KDM3B: variants seen among roughly 807,000 people sequenced by gnomAD.
The protein encoded by KDM3B is lysine-specific demethylase 3B.
KDM3B carries 10 observed loss-of-function variants against 170.0 expected under a neutral mutation model. That is an observed-to-expected ratio of 0.06 (90% CI 0.04 to 0.10). The LOEUF (loss-of-function observed/expected upper bound fraction) is 0.10. KDM3B is among the 10% of genes least tolerant of loss of function. The pLI, the probability that KDM3B is intolerant of heterozygous loss-of-function variation, is 1.00. For missense variants in KDM3B, 1,394 were observed against 2,195.2 expected, an observed-to-expected ratio of 0.64 and a Z score of 7.29; for synonymous variants, 831 against 834.8, an observed-to-expected ratio of 1.00 and a Z score of 0.08.
intron 6 of KDM3B, among the ~76,000 whole-genome samples, chr5:138,384,294 A>G (rs1279710006): frequency 2.0e-5 from 3 of 151,370 alleles, no homozygotes; most frequent in African/African-American, 7.3e-5. Context: ...CAAACAGATA[A>G]AGTTCTTGAA....
At chr5:138,376,786 A>C (rs926110446) in intron 3 of KDM3B, among the ~76,000 whole-genome samples, 1 of 152,160 alleles carries the variant, frequency 6.6e-6, no homozygotes, top group South Asian at 2.1e-4. Flanking sequence ...AAGGGGGCCT[A>C]TTCATTATTG....
chr5:138,393,268 T>C lies in KDM3B; in HGVS notation c.2727T>C (p.Pro909=). The change falls in exon 9 of 24, where the codon CCT becomes CCC. Residue 909 remains proline (P), a synonymous_variant. Transcript: ENST00000314358. ...ATGGGTCATGCATCAATGTGGCACCTCATCTGCACAAGTGTCGTGAATGCC... is the reference window on the plus strand; with the variant it reads ...ATGGGTCATGCATCAATGTGGCACCCCATCTGCACAAGTGTCGTGAATGCC... ...LQDGSCINVA[P]HLHKCRECRL... 6 of 1,614,176 alleles carry C rather than the reference T, an allele frequency of 3.7e-6. No homozygotes were observed. Among genetic ancestry groups the C allele is most frequent in the Non-Finnish European group, 5.1e-6 (6 of 1,180,008 alleles).
Position 138,386,400 on chromosome 5 carries a change from A to G in KDM3B, c.1159A>G (p.Thr387Ala), listed in dbSNP as rs771033203. Reference protein sequence around the residue: ...DTPASFTPYSTATGQTPLAPE... With the variant: ...DTPASFTPYSAATGQTPLAPE... ...ACCTGCATCTTTCACTCCATATTCTACAGCCACAGGTCAGACACCTTTGGC... is the reference window on the plus strand; with the variant it reads ...ACCTGCATCTTTCACTCCATATTCTGCAGCCACAGGTCAGACACCTTTGGC... The change falls in exon 7 of 24, where the codon ACA (threonine) becomes GCA (alanine). Residue 387 changes from threonine to alanine, a missense_variant. Physicochemically the swap from Thr to Ala is moderately conservative, Grantham distance 58 (BLOSUM62 0). This residue lies in a region of KDM3B where 205 missense variants were observed against 227.6 expected (regional missense o/e 0.90). Coordinates refer to ENST00000314358, the MANE Select transcript of KDM3B (RefSeq NM_016604.4). 5.0e-6 allele frequency: 8 copies of G among 1,614,084 alleles called. No homozygotes were observed. The highest frequency in any genetic ancestry group is 3.3e-5 in the South Asian group (3 of 91,092).
chr5:138,387,985 G>A (rs986316818), intron 7 of KDM3B, among the ~76,000 whole-genome samples: 8 of 152,072 alleles, frequency 5.3e-5, no homozygotes, highest in Non-Finnish European at 8.8e-5. Context: ...GGAGGCTGAG[G>A]CAGGAGGATG....
In KDM3B at chr5:138,419,109, G is replaced by A; in HGVS notation, c.3592G>A (p.Ala1198Thr). 6.2e-7 allele frequency: 1 copy of A among 1,614,178 alleles called. No homozygotes were observed. The highest frequency in any genetic ancestry group is 8.5e-7 in the Non-Finnish European group (1 of 1,180,040). Residue 1198 changes from alanine to threonine, a missense_variant, in exon 14 of 24, where the codon GCA becomes ACA. By Grantham distance (58) the Ala-to-Thr change is moderately conservative (BLOSUM62 0). Around this residue, in one of 19 missense-constraint regions of KDM3B, gnomAD observed 87 missense variants for 83.3 expected, o/e 1.04. Coordinates refer to ENST00000314358, the MANE Select transcript of KDM3B (RefSeq NM_016604.4). ...SEEPLKTDSS[A>T]SNSNSELKAI... Reference sequence around the variant, plus strand: ...AGAGCCTCTGAAAACAGACAGTTCGGCATCAAATAGCAATAGTGAACTGAA... The same window carrying A: ...AGAGCCTCTGAAAACAGACAGTTCGACATCAAATAGCAATAGTGAACTGAA...
intron 6 of KDM3B, among the ~76,000 whole-genome samples, chr5:138,385,473 T>C (rs907212635): frequency 3.3e-5 from 5 of 152,204 alleles, no homozygotes; most frequent in African/African-American, 9.7e-5. Flanking sequence ...CCTTGTGATC[T>C]GCCCGCCTTG....
At chr5:138,395,878 A>G (rs772940277) in intron 9 of KDM3B, among the ~76,000 whole-genome samples, 1 of 152,076 alleles carries the variant, frequency 6.6e-6, no homozygotes, top group Non-Finnish European at 1.5e-5. Context: ...TCAGCCTCCC[A>G]AAGTGCAGGG....
chr5:138,427,934 C>A, intron 19 of KDM3B, 33 bp from the exon 20 acceptor site: 1 of 1,603,318 alleles, frequency 6.2e-7, no homozygotes, highest in Admixed American at 1.7e-5. Context: ...AAATATTGGC[C>A]CTTCACCTTG....
chr5:138,366,117 A>G (rs1561757545), intron 1 of KDM3B, among the ~76,000 whole-genome samples: 1 of 152,070 alleles, frequency 6.6e-6, no homozygotes, highest in African/African-American at 2.4e-5. Flanking sequence ...ATAATCTGCA[A>G]CTTGCTTTTT....
intron 11 of KDM3B, among the ~76,000 whole-genome samples, chr5:138,408,774 A>T (rs998498820): frequency 1.3e-5 from 2 of 152,240 alleles, no homozygotes; most frequent in Admixed American, 1.3e-4. Flanking sequence ...ATATTAGTAG[A>T]CTAAAAAATA....
In KDM3B at chr5:138,430,571, C is replaced by T. The variant is rs1367657085; in HGVS notation, c.5070+146C>T. 41 of 807,078 alleles carry T rather than the reference C, an allele frequency of 5.1e-5. 1 individual carries two copies. The highest frequency in any genetic ancestry group is 6.4e-5 in the Non-Finnish European group (34 of 527,456). 50.0% of individuals were successfully genotyped at this position (807,078 alleles called of 1,614,324 possible). A position where few individuals can be genotyped will look rare whatever the true frequency, so the allele number is the denominator to read the frequency against. ...CTTATTTTATGCTTTTATTTTCTTC[C>T]TTGTAACATTAAGGCTCATTTAAAA... is the stretch of plus-strand genomic sequence containing the variant. On this transcript the variant is annotated intron_variant, in intron 22 of 23. Transcript: ENST00000314358.
Position 138,436,904 on chromosome 5 carries a change from T to G in KDM3B, c.*1204T>G, listed in dbSNP as rs1303239436. ...GCTGTTTATATGTTCACAGTTACTT[T>G]TTTTTTTTTTTTTAAATAAAAGTCA... On this transcript the variant is annotated 3_prime_UTR_variant, in exon 24 of 24. Transcript: ENST00000314358. 1 of 77,758 alleles carries G rather than the reference T, an allele frequency of 1.3e-5. No homozygotes were observed. The highest frequency in any genetic ancestry group is 3.5e-5 in the African/African-American group (1 of 28,758). The allele number at this position is 77,758 out of a possible 1,614,324, so 4.8% of individuals were successfully genotyped here.
At chr5:138,406,736 A>C (rs1762831763) in intron 11 of KDM3B, among the ~76,000 whole-genome samples, 1 of 152,180 alleles carries the variant, frequency 6.6e-6, no homozygotes, top group Non-Finnish European at 1.5e-5. Context: ...ACATGATGAA[A>C]AAGAGAAGGT....
In KDM3B at chr5:138,391,966, C is replaced by G; in HGVS notation, c.2334C>G (p.Ser778=). 2.5e-6 allele frequency: 4 copies of G among 1,613,096 alleles called. No individual in the cohort carries two copies. The highest frequency in any genetic ancestry group is 3.4e-6 in the Non-Finnish European group (4 of 1,179,086). ...GCAGGCACTCAGGCGGCTTTCTGTCCTCCCCGGCAGATTTTTCACAGGAGA... is the reference window on the plus strand; with the variant it reads ...GCAGGCACTCAGGCGGCTTTCTGTCGTCCCCGGCAGATTTTTCACAGGAGA... The part of the protein sequence containing the change: ...VFGRHSGGFL[S]SPADFSQENK... Residue 778 remains serine (S), a synonymous_variant, in exon 8 of 24, where the codon TCC becomes TCG. Transcript: ENST00000314358. This position sits in a 1 kb window ranked among gnomAD's most constrained non-coding sequence, Gnocchi z 5.0.
rs185144378 is a variant in KDM3B at position 138,406,646 on chromosome 5, A to T, written c.3199+6634A>T. On this transcript the variant is annotated intron_variant, in intron 11 of 23. Coordinates refer to ENST00000314358, the MANE Select transcript of KDM3B (RefSeq NM_016604.4). The stretch of plus-strand genomic sequence containing the variant: ...AGAGTGAAACTCTGTCTCAATAAAA[A>T]AAAAGAAAAGTTAAACAATTAACTT... Among the ~76,000 whole-genome samples the T allele has an allele frequency of 6.6e-5, 10 of 152,338 alleles. No individual in the cohort carries two copies. In the East Asian group the frequency reaches 1.9e-3, roughly 29 times the overall value.
intron 15 of KDM3B, 101 bp from the exon 16 acceptor site, chr5:138,423,970 TCAGA>T: frequency 1.8e-6 from 2 of 1,082,618 alleles, no homozygotes; most frequent in Non-Finnish European, 1.3e-6. Context: ...TAGAATTTAA[TCAGA>T]CAGGTCAGAA....
chr5:138,430,455 C>T (rs201224192), intron 22 of KDM3B, 30 bp downstream of exon 22: 6 of 1,599,648 alleles, frequency 3.8e-6, no homozygotes, highest in Non-Finnish European at 5.1e-6. Flanking sequence ...TTGGGCTGAA[C>T]AGTTCCATGG....
intron 11 of KDM3B, among the ~76,000 whole-genome samples, chr5:138,410,875 T>C (rs1420819391): frequency 1.3e-5 from 2 of 152,224 alleles, no homozygotes; most frequent in African/African-American, 2.4e-5. Flanking sequence ...TTTAGTACTT[T>C]CACTAATTTT....
At chr5:138,353,539 C>T (rs1761383781) in intron 1 of KDM3B, among the ~76,000 whole-genome samples, 1 of 152,168 alleles carries the variant, frequency 6.6e-6, no homozygotes, top group Non-Finnish European at 1.5e-5. Context: ...CTCGGCCTGG[C>T]GGTCTCCAGA....
Sources: allele counts gnomAD v4.1 joint callset (sites outside exome capture counted in the v4.1 genomes callset), GRCh38; gene constraint gnomAD v4.1.1; regional missense constraint gnomAD v4.1.1; non-coding constraint Gnocchi (gnomAD v3.1); transcripts MANE v1.5; gene names NCBI Gene and HGNC (gene_info 2026-07-23, HGNC 2026-07-21).